The following FRMD6 variants were observed in gnomAD, a reference collection of about 807,000 sequenced individuals.
FRMD6 encodes the protein FERM domain-containing protein 6.
Under a neutral mutation model 73.2 loss-of-function variants are expected in FRMD6, and 37 were observed. The ratio of observed to expected loss-of-function variants is 0.51; its 90% CI spans 0.39 to 0.66. The LOEUF is 0.66. FRMD6 is among the 30% of genes least tolerant of loss of function. FRMD6 has a pLI of 0.00. For synonymous variants in FRMD6, 273 were observed against 282.2 expected (o/e 0.97, Z 0.33); for missense variants, 714 against 780.5 (o/e 0.91, Z 1.02).
chr14:51,535,275 C>T (rs548854154), intron 1 of FRMD6, among the ~76,000 whole-genome samples: 10 of 152,272 alleles, frequency 6.6e-5, no homozygotes, highest in South Asian at 4.1e-4. Context: ...ATTCACAGTA[C>T]GTACAACCAT....
chr14:51,714,809 T>C (rs1594775715), intron 9 of FRMD6: 1 of 152,282 alleles, frequency 6.6e-6, no homozygotes, highest in Non-Finnish European at 1.5e-5. Context: ...CCATTTCTCC[T>C]GCTGGGATAT....
At chr14:51,561,301 C>T (rs1950911) in intron 1 of FRMD6, among the ~76,000 whole-genome samples, 27,096 of 152,152 alleles carry the variant, frequency 0.18, 2,635 homozygotes, top group Middle Eastern at 0.29. Context: ...CTAACCCTAA[C>T]CCTGTAACAA....
intron 2 of FRMD6, among the ~76,000 whole-genome samples, chr14:51,613,446 C>T (rs1253023811): frequency 6.6e-6 from 1 of 152,046 alleles, no homozygotes; most frequent in Admixed American, 6.6e-5. Context: ...GTGAAGAATC[C>T]AAGAAGACAG....
intron 10 of FRMD6, among the ~76,000 whole-genome samples, chr14:51,715,708 T>A (rs1016892023): frequency 6.6e-6 from 1 of 152,200 alleles, no homozygotes; most frequent in Non-Finnish European, 1.5e-5. Flanking sequence ...ATTCAGAATA[T>A]CTGAGGTGAC....
At chr14:51,702,647 C>T in intron 5 of FRMD6, 59 bp downstream of exon 5, 1 of 1,300,486 alleles carries the variant, frequency 7.7e-7, no homozygotes, top group African/African-American at 1.5e-5. Context: ...CTTTTTCTAA[C>T]ATACCAAATA....
chr14:51,595,852 G>A (rs893313807), intron 2 of FRMD6, among the ~76,000 whole-genome samples: 7 of 152,088 alleles, frequency 4.6e-5, no homozygotes, highest in African/African-American at 1.7e-4. Context: ...CTAAACTATT[G>A]TCGATAATTA....
intron 1 of FRMD6, among the ~76,000 whole-genome samples, chr14:51,540,070 A>C (rs182777156): frequency 6.6e-6 from 1 of 152,182 alleles, no homozygotes; most frequent in Admixed American, 6.6e-5. Context: ...TATAAATATC[A>C]GTGGCAATAG....
intron 2 of FRMD6, among the ~76,000 whole-genome samples, chr14:51,615,543 C>T (rs1452080573): frequency 1.3e-5 from 2 of 152,172 alleles, no homozygotes; most frequent in African/African-American, 4.8e-5. Context: ...GAATGAAAAT[C>T]ACTCACAGCC....
At chr14:51,708,835 T>A (rs1303247513) in intron 7 of FRMD6, among the ~76,000 whole-genome samples, 1 of 152,190 alleles carries the variant, frequency 6.6e-6, no homozygotes, top group Non-Finnish European at 1.5e-5. Context: ...AAGCCAGGAT[T>A]TAGTCAAGGC....
At chr14:51,580,704 A>G (rs904403946) in intron 2 of FRMD6, among the ~76,000 whole-genome samples, 6 of 152,228 alleles carry the variant, frequency 3.9e-5, no homozygotes, top group African/African-American at 1.4e-4. Context: ...AAAATGAAAG[A>G]ATCAGGGGGT....
the FRMD6 span, among the ~76,000 whole-genome samples, chr14:51,457,784 A>G: frequency 6.6e-6 from 1 of 152,354 alleles, no homozygotes; most frequent in South Asian, 2.1e-4. Flanking sequence ...AGCATATTGC[A>G]TGGAGCACCT....
At chr14:51,546,598 A>C (rs1886486327) in intron 1 of FRMD6, 1 of 151,404 alleles carries the variant, frequency 6.6e-6, no homozygotes, top group Non-Finnish European at 1.5e-5. Flanking sequence ...AAAAAAAAAA[A>C]AAAAAAAACC....
At chr14:51,666,026 A>G (rs186184570) in intron 1 of FRMD6, among the ~76,000 whole-genome samples, 5 of 152,314 alleles carry the variant, frequency 3.3e-5, no homozygotes, top group Non-Finnish European at 7.4e-5. Flanking sequence ...CTAATACTCT[A>G]TTGTTAGATT....
chr14:51,704,648 A>C, intron 5 of FRMD6, 101 bp from the exon 6 acceptor site: 1 of 922,036 alleles, frequency 1.1e-6, no homozygotes, highest in Non-Finnish European at 1.6e-6. Context: ...CAGAAACAGA[A>C]GGGTTCCTGT....
intron 9 of FRMD6, 28 bp from the exon 10 acceptor site, chr14:51,715,297 G>A: frequency 6.9e-7 from 1 of 1,453,310 alleles, no homozygotes; most frequent in Non-Finnish European, 9.1e-7. Flanking sequence ...TTTTCTTCCT[G>A]AATTTGATTC....
intron 1 of FRMD6, among the ~76,000 whole-genome samples, chr14:51,551,965 T>C (rs1886866090): frequency 6.6e-6 from 1 of 152,186 alleles, no homozygotes; most frequent in Non-Finnish European, 1.5e-5. Flanking sequence ...TTATATTTTT[T>C]CCACCTGATT....
chr14:51,576,840 C>CA (rs1262159121), intron 2 of FRMD6, among the ~76,000 whole-genome samples: 2 of 152,200 alleles, frequency 1.3e-5, no homozygotes, highest in Non-Finnish European at 2.9e-5. Context: ...GTCCTCCTCC[C>CA]AATTTCGTTT....
chr14:51,567,312 A>G (rs1377290354), intron 1 of FRMD6, among the ~76,000 whole-genome samples: 3 of 152,170 alleles, frequency 2.0e-5, no homozygotes, highest in African/African-American at 7.2e-5. Context: ...CCAGTATGAG[A>G]CTTCTAGATG....
intron 1 of FRMD6, among the ~76,000 whole-genome samples, chr14:51,672,156 C>T (rs545020404): frequency 6.6e-6 from 1 of 152,272 alleles, no homozygotes; most frequent in South Asian, 2.1e-4. Flanking sequence ...GGAAGTGATC[C>T]AGTCAAAGCA....
Sources: allele counts gnomAD v4.1 joint callset (sites outside exome capture counted in the v4.1 genomes callset), GRCh38; gene constraint gnomAD v4.1.1; transcripts MANE v1.5; gene names NCBI Gene and HGNC (gene_info 2026-07-23, HGNC 2026-07-21).